Variants in NEDD4L observed in about 807,000 individuals in gnomAD.
The protein encoded by NEDD4L is NEDD4 like E3 ubiquitin protein ligase.
Under a neutral mutation model 148.9 loss-of-function variants are expected in NEDD4L, and 54 were observed. The observed-to-expected ratio is 0.36, with a 90% CI of 0.29 to 0.45. NEDD4L has a LOEUF of 0.45. NEDD4L is among the 20% of genes least tolerant of loss of function. NEDD4L has a pLI of 1.00. For synonymous variants in NEDD4L, 433 were observed against 440.7 expected (o/e 0.98, Z 0.22); for missense variants, 856 against 1,233.8 (o/e 0.69, Z 4.59).
chr18:58,123,772 G>A lies in NEDD4L; in HGVS notation c.49-42016G>A, dbSNP rs190533725. 9.9e-5 allele frequency among the ~76,000 whole-genome samples: 15 copies of A among 152,142 alleles called. 1 individual carries two copies. In the South Asian group the frequency reaches 1.5e-3, roughly 15 times the overall value. On this transcript the variant is annotated intron_variant, in intron 1 of 30. Coordinates refer to ENST00000400345, the MANE Select transcript of NEDD4L (RefSeq NM_001144967.3). Reference sequence around the variant, plus strand: ...GCTTGTCTCATTGAGGAAAGAAGCCGTTCAGTCAGTGAGACCCCCTGTCTC... The same window carrying A: ...GCTTGTCTCATTGAGGAAAGAAGCCATTCAGTCAGTGAGACCCCCTGTCTC...
chr18:58,221,610 A>G, intron 2 of NEDD4L: 2 of 985,446 alleles, frequency 2.0e-6, no homozygotes, highest in Non-Finnish European at 2.4e-6. Context: ...CGGTATCAGC[A>G]GAGGTGTGTA....
chr18:58,159,070 A>G (rs2035866735), intron 1 of NEDD4L, among the ~76,000 whole-genome samples: 2 of 152,136 alleles, frequency 1.3e-5, no homozygotes, highest in Admixed American at 1.3e-4. Flanking sequence ...GGTGGCAGCA[A>G]TATAAGGTTG....
chr18:58,224,660 C>G (rs957340385), intron 2 of NEDD4L, among the ~76,000 whole-genome samples: 18 of 152,170 alleles, frequency 1.2e-4, no homozygotes, highest in Admixed American at 9.2e-4. Flanking sequence ...ATTCAAAAGG[C>G]TATTTAAGTC....
At chr18:58,360,438 T>G (rs2045314307) in intron 19 of NEDD4L, among the ~76,000 whole-genome samples, 3 of 152,196 alleles carry the variant, frequency 2.0e-5, no homozygotes. Context: ...AGTTAATTCT[T>G]TAAGCTTTTT....
At position 58,130,795 on chromosome 18, in the gene NEDD4L, G is replaced by A. The variant is rs1246348632; in HGVS notation, c.49-34993G>A. Among the ~76,000 whole-genome samples, 5 of 144,060 alleles carry A rather than the reference G, an allele frequency of 3.5e-5. No individual in the cohort carries two copies. In the East Asian group the frequency reaches 8.6e-4, roughly 25 times the overall value. The allele number at this position is 144,060 out of a possible 152,430, so 94.5% of individuals were successfully genotyped here. A position where few individuals can be genotyped will look rare whatever the true frequency, so the allele number is the denominator to read the frequency against. The stretch of plus-strand genomic sequence containing the variant: ...GTGGCAGTGTTGGGCTCTGGATTTG[G>A]TTGGTTGTGATCTAGCAGAACTGTG... On this transcript the variant is annotated intron_variant, in intron 1 of 30. Transcript: ENST00000400345.
rs2047570314 is a variant in NEDD4L, at chr18:58,248,764, CAAAT to C, written c.205-132_205-129del. 1.0e-5 allele frequency: 6 copies of C among 573,636 alleles called. No individual in the cohort carries two copies. In the South Asian group the frequency reaches 1.5e-4, roughly 14 times the overall value. The allele number at this position is 573,636 out of a possible 1,614,324, so 35.5% of individuals were successfully genotyped here. On this transcript the variant is annotated intron_variant, in intron 3 of 30. Coordinates refer to ENST00000400345, the MANE Select transcript of NEDD4L (RefSeq NM_001144967.3). ...TCCAGTTTGGTTTGTACGCTAGTCTCAAATAATCGACTAAATGCTTCTCTTAGCT... is the reference window on the plus strand; with the variant it reads ...TCCAGTTTGGTTTGTACGCTAGTCTCAATCGACTAAATGCTTCTCTTAGCT...
chr18:58,260,327 A>G (rs2049196479), intron 5 of NEDD4L, among the ~76,000 whole-genome samples: 2 of 152,236 alleles, frequency 1.3e-5, no homozygotes, highest in African/African-American at 2.4e-5. Flanking sequence ...AAACCAATAT[A>G]TATCTTCAAA....
chr18:58,310,966 T>A (rs570408388), intron 5 of NEDD4L, among the ~76,000 whole-genome samples: 1 of 152,362 alleles, frequency 6.6e-6, no homozygotes, highest in South Asian at 2.1e-4. Context: ...TGACTTATGT[T>A]CTAAATTCTC....
intron 2 of NEDD4L, among the ~76,000 whole-genome samples, chr18:58,229,872 C>T (rs1278374096): frequency 6.6e-6 from 1 of 152,088 alleles, no homozygotes; most frequent in Non-Finnish European, 1.5e-5. Context: ...CACCTGTAGT[C>T]CCAGCTACTC....
At chr18:58,152,340 A>G (rs1019800396) in intron 1 of NEDD4L, among the ~76,000 whole-genome samples, 7 of 152,094 alleles carry the variant, frequency 4.6e-5, no homozygotes, top group African/African-American at 1.7e-4. Context: ...TGGCTCCGAG[A>G]GAGTCAAATA....
intron 2 of NEDD4L, among the ~76,000 whole-genome samples, chr18:58,184,029 C>T (rs528513070): frequency 1.1e-4 from 17 of 152,086 alleles, no homozygotes; most frequent in Non-Finnish European, 2.1e-4. Context: ...ATTAGCCAGG[C>T]GTGGTGGCGG....
At chr18:58,369,775 C>T (rs963055267) in intron 22 of NEDD4L, among the ~76,000 whole-genome samples, 2 of 152,192 alleles carry the variant, frequency 1.3e-5, no homozygotes, top group Non-Finnish European at 2.9e-5. Context: ...GGTGGGAGGC[C>T]GACCTCGCTG....
intron 5 of NEDD4L, among the ~76,000 whole-genome samples, chr18:58,292,663 G>C (rs566553109): frequency 1.1e-4 from 16 of 152,318 alleles, no homozygotes; most frequent in African/African-American, 3.6e-4. Flanking sequence ...TGAGGCCAGG[G>C]ATGGTTTTAT....
At chr18:58,074,034 C>T (rs2083030905) in intron 1 of NEDD4L, among the ~76,000 whole-genome samples, 2 of 152,130 alleles carry the variant, frequency 1.3e-5, no homozygotes, top group Non-Finnish European at 2.9e-5. Flanking sequence ...ACTGGACTGC[C>T]ACTGGCAGGG....
chr18:58,355,221 A>G (rs1214561759), intron 18 of NEDD4L, among the ~76,000 whole-genome samples: 2 of 152,194 alleles, frequency 1.3e-5, no homozygotes, highest in Non-Finnish European at 2.9e-5. Context: ...TTCAGGGAAA[A>G]AAAATGAGCC....
intron 2 of NEDD4L, among the ~76,000 whole-genome samples, chr18:58,191,392 G>A (rs575838650): frequency 6.6e-6 from 1 of 152,240 alleles, no homozygotes; most frequent in South Asian, 2.1e-4. Context: ...GTTCAGAATT[G>A]TGTTACAGTC....
At chr18:58,361,818 G>A (rs930529260) in intron 19 of NEDD4L, among the ~76,000 whole-genome samples, 16 of 151,968 alleles carry the variant, frequency 1.1e-4, no homozygotes, top group African/African-American at 3.9e-4. Context: ...TATTTTACAA[G>A]CTAACTTGTA....
At chr18:58,083,053 T>C (rs997607587) in intron 1 of NEDD4L, among the ~76,000 whole-genome samples, 2 of 152,084 alleles carry the variant, frequency 1.3e-5, no homozygotes, top group Admixed American at 1.3e-4. Flanking sequence ...TCTTAACAGG[T>C]TAAGATTTCT....
At chr18:58,343,861 G>T (rs1041006427) in intron 16 of NEDD4L, among the ~76,000 whole-genome samples, 1 of 152,162 alleles carries the variant, frequency 6.6e-6, no homozygotes, top group Non-Finnish European at 1.5e-5. Flanking sequence ...TCTTTTAAAA[G>T]TCAGTTGGTA....
Sources: gnomAD v4.1 joint callset for allele counts (sites outside exome capture counted in the v4.1 genomes callset) on GRCh38, gnomAD v4.1.1 for gene constraint, MANE v1.5 for transcripts, NCBI Gene and HGNC (gene_info 2026-07-23, HGNC 2026-07-21) for gene names.